Variants in CAND2 observed in about 807,000 individuals in gnomAD.
CAND2 encodes cullin associated and neddylation dissociated 2 (putative), also known as cullin-associated NEDD8-dissociated protein 2.
Under a neutral mutation model 98.9 loss-of-function variants are expected in CAND2, and 62 were observed. The ratio of observed to expected loss-of-function variants is 0.63; its 90% CI spans 0.51 to 0.77. The LOEUF (loss-of-function observed/expected upper bound fraction) is 0.77, where lower values mean the gene tolerates loss of function less well. CAND2 is among the 30% of genes least tolerant of loss of function. The pLI is 0.00. For synonymous variants in CAND2, 770 were observed against 731.9 expected, an observed-to-expected ratio of 1.05 and a Z score of -0.84; for missense variants, 1,501 against 1,655.2, an observed-to-expected ratio of 0.91 and a Z score of 1.62.
At position 12,807,424 on chromosome 3, in the gene CAND2, A is replaced by G; in HGVS notation, c.331A>G (p.Lys111Glu). ...QLRDIAGIGL[K>E]TVLSELPPAA... ...GCGAGACATTGCCGGCATTGGCCTCAAGACCGTCCTCTCGGAGCTCCCTCC... is the reference window on the plus strand; with the variant it reads ...GCGAGACATTGCCGGCATTGGCCTCGAGACCGTCCTCTCGGAGCTCCCTCC... The change falls in exon 3 of 15, where the codon AAG (lysine) becomes GAG (glutamate). Residue 111 changes from lysine (K) to glutamate (E), a missense_variant. Around this residue, in one of 3 missense-constraint regions of CAND2, gnomAD observed 1,427 missense variants for 1,545.3 expected, o/e 0.92. Transcript: ENST00000456430. 6.4e-7 allele frequency: 1 copy of G among 1,551,680 alleles called. No individual in the cohort carries two copies. The highest frequency in any genetic ancestry group is 8.7e-7 in the Non-Finnish European group (1 of 1,146,972).
Position 12,820,132 on chromosome 3 carries a change from T to C in CAND2, c.2991T>C (p.Leu997=), listed in dbSNP as rs1419875322. The change falls in exon 11 of 15, where the codon CTT becomes CTC. Residue 997 remains leucine (L), a synonymous_variant. Coordinates refer to ENST00000456430, the MANE Select transcript of CAND2 (RefSeq NM_001162499.2). ...CCGTCATCACAGCGGTCAAGTTCCT[T>C]ATCTCGGACCAGCCCCATCCCATTG... ...RSTVITAVKF[L]ISDQPHPIDP... is the part of the protein sequence containing the mutation. The C allele has an allele frequency of 1.2e-6, 2 of 1,614,060 alleles. No individual in the cohort carries two copies. Among genetic ancestry groups the C allele is most frequent in the Non-Finnish European group, 1.7e-6 (2 of 1,180,046 alleles).
chr3:12,827,487 G>T lies in CAND2; in HGVS notation c.3258G>T (p.Val1086=). 1.9e-6 allele frequency: 3 copies of T among 1,614,098 alleles called. No individual in the cohort carries two copies. The part of the protein sequence containing the change: ...FKHTVDDGLD[V]RKAAFECMYS... Reference sequence around the variant, plus strand: ...ATACAGTGGACGATGGGCTGGACGTGCGGAAGGCGGCCTTTGAATGCATGT... The same window carrying T: ...ATACAGTGGACGATGGGCTGGACGTTCGGAAGGCGGCCTTTGAATGCATGT... The change falls in exon 13 of 15, where the codon GTG becomes GTT. Residue 1086 remains valine, a synonymous_variant. Transcript: ENST00000456430.
rs780764516 is a variant in CAND2, at chr3:12,833,945, C to G, written c.3674C>G (p.Ala1225Gly). ...TTTGAAAGCATCCAGAAGGATTCCG[C>G]TTCAGCCCCCAGCACAGACTCAATG... is the stretch of plus-strand genomic sequence containing the variant. ...ALFESIQKDS[A>G]SAPSTDSMEL... The change falls in exon 15 of 15, where the codon GCT (alanine) becomes GGT (glycine). Residue 1225 changes from alanine to glycine, a missense_variant. By Grantham distance (60) the Ala-to-Gly change is moderately conservative. Coordinates refer to ENST00000456430, the MANE Select transcript of CAND2 (RefSeq NM_001162499.2). The G allele has an allele frequency of 1.2e-6, 2 of 1,614,238 alleles. No individual in the cohort carries two copies. Among genetic ancestry groups the G allele is most frequent in the Middle Eastern group, 1.6e-4 (1 of 6,062 alleles).
chr3:12,811,761 G>A (rs1476580037), intron 5 of CAND2, among the ~76,000 whole-genome samples: 2 of 152,076 alleles, frequency 1.3e-5, no homozygotes, highest in East Asian at 1.9e-4. Context: ...TAGTAGAGAC[G>A]GGGTTTAACT....
intron 11 of CAND2, among the ~76,000 whole-genome samples, chr3:12,823,753 G>A (rs537327077): frequency 1.3e-5 from 2 of 151,110 alleles, no homozygotes; most frequent in South Asian, 4.2e-4. Flanking sequence ...ACAAAAAAAC[G>A]GGGTGTGGTG....
At chr3:12,809,909 T>A in intron 4 of CAND2, 150 bp from the exon 5 acceptor site, 1 of 803,010 alleles carries the variant, frequency 1.2e-6, no homozygotes, top group Non-Finnish European at 1.8e-6. Context: ...AAATAATTCC[T>A]CCTCACAGTT....
chr3:12,811,623 G>A (rs28505003), intron 5 of CAND2, among the ~76,000 whole-genome samples: 66,346 of 152,080 alleles, frequency 0.44, 15,343 homozygotes, highest in Non-Finnish European at 0.53. Context: ...CCAGGCTGGA[G>A]TGCAATGGTG....
At chr3:12,826,483 A>C (rs1335575046) in intron 12 of CAND2, among the ~76,000 whole-genome samples, 1 of 152,138 alleles carries the variant, frequency 6.6e-6, no homozygotes, top group Non-Finnish European at 1.5e-5. Flanking sequence ...GCTGGAGTGC[A>C]GTGGCACAAT....
intron 3 of CAND2, 139 bp downstream of exon 3, chr3:12,807,599 G>GTCACTCA: frequency 2.4e-6 from 2 of 828,512 alleles, no homozygotes; most frequent in Non-Finnish European, 3.7e-6. Flanking sequence ...TAGTAAGCAG[G>GTCACTCA]GCAGAGAATT....
chr3:12,810,192 G>T lies in CAND2; in HGVS notation c.625G>T (p.Asp209Tyr). The T allele has an allele frequency of 1.9e-6, 3 of 1,540,464 alleles. No individual in the cohort carries two copies. The highest frequency in any genetic ancestry group is 1.4e-5 in the African/African-American group (1 of 71,476). Residue 209 changes from aspartate (D) to tyrosine (Y), a missense_variant, in exon 5 of 15, where the codon GAC (aspartate) becomes TAC (tyrosine). Physicochemically the swap from Asp to Tyr is radical, Grantham distance 160. Transcript: ENST00000456430. ...CCACCTGGCGGCCGCCTGCAGCACC[G>T]ACCTCTTCGTCGAGCTCGCTGACCA... ...LGHLAAACST[D>Y]LFVELADHLL...
In CAND2 at chr3:12,796,704, C is replaced by T. The variant is rs567511331; in HGVS notation, c.-17C>T. Reference sequence around the variant, plus strand: ...CATATTCCCTCCCGCCGGCCGGCTCCGCGGCGCGCAGCCACCATGAGCACC... The same window carrying T: ...CATATTCCCTCCCGCCGGCCGGCTCTGCGGCGCGCAGCCACCATGAGCACC... On this transcript the variant is annotated 5_prime_UTR_variant, in exon 1 of 15. Coordinates refer to ENST00000456430, the MANE Select transcript of CAND2 (RefSeq NM_001162499.2). The T allele has an allele frequency of 4.5e-6, 7 of 1,566,914 alleles. 1 individual carries two copies. In the East Asian group the frequency reaches 1.7e-4, roughly 37 times the overall value.
intron 4 of CAND2, among the ~76,000 whole-genome samples, 176 bp downstream of exon 4, chr3:12,808,509 T>G (rs1377246357): frequency 1.3e-5 from 2 of 152,184 alleles, no homozygotes; most frequent in African/African-American, 2.4e-5. Flanking sequence ...CTCTGAGAGA[T>G]GATGCGGTCA....
intron 7 of CAND2, among the ~76,000 whole-genome samples, chr3:12,814,459 T>C (rs1193112379): frequency 2.0e-5 from 3 of 152,188 alleles, no homozygotes; most frequent in Non-Finnish European, 2.9e-5. Flanking sequence ...ACCTTCACTT[T>C]TGAGGTGATG....
At chr3:12,811,020 T>A (rs1031757409) in intron 5 of CAND2, among the ~76,000 whole-genome samples, 12 of 152,040 alleles carry the variant, frequency 7.9e-5, no homozygotes, top group African/African-American at 2.9e-4. Flanking sequence ...CACCTTGGAG[T>A]TCTGACTATA....
chr3:12,825,016 C>T (rs185778300), intron 11 of CAND2, among the ~76,000 whole-genome samples: 1 of 152,302 alleles, frequency 6.6e-6, no homozygotes, highest in East Asian at 1.9e-4. Context: ...CTTTAAGAGC[C>T]TCACCTGTAA....
intron 1 of CAND2, among the ~76,000 whole-genome samples, chr3:12,797,759 G>C (rs893526169): frequency 6.4e-5 from 7 of 109,030 alleles, no homozygotes; most frequent in African/African-American, 3.7e-4. Context: ...GACATGAAGG[G>C]CGTAGGTTCA....
chr3:12,812,913 A>G, intron 5 of CAND2, 77 bp from the exon 6 acceptor site: 1 of 861,782 alleles, frequency 1.2e-6, no homozygotes, highest in Middle Eastern at 3.4e-4. Context: ...AGGTGCATAG[A>G]CAGTCTGAGT....
intron 11 of CAND2, among the ~76,000 whole-genome samples, chr3:12,821,186 A>G (rs1171531752): frequency 2.0e-5 from 3 of 151,650 alleles, no homozygotes; most frequent in Admixed American, 6.6e-5. Flanking sequence ...GTGAGCGGAG[A>G]TTGCACCACT....
rs751483195 is a variant in CAND2, at chr3:12,831,475, T to C, written c.3386T>C (p.Phe1129Ser). 113 of 1,613,788 alleles carry C rather than the reference T, an allele frequency of 7.0e-5. No individual in the cohort carries two copies. The highest frequency in any genetic ancestry group is 9.4e-5 in the Non-Finnish European group (111 of 1,179,882). The change falls in exon 14 of 15, where the codon TTC becomes TCC. Residue 1129 changes from phenylalanine to serine, a missense_variant. Phe to Ser is a radical substitution (Grantham distance 155). This residue lies in a region of CAND2 where 1,427 missense variants were observed against 1,545.3 expected (regional missense o/e 0.92). Coordinates refer to ENST00000456430, the MANE Select transcript of CAND2 (RefSeq NM_001162499.2). Reference protein sequence around the residue: ...KDHYDIRMLTFIMVARLATLC... With the variant: ...KDHYDIRMLTSIMVARLATLC... ...CCTTCCTCTGGGCAGATGCTGACCT[T>C]CATCATGGTTGCCCGGCTGGCCACC...
Sources: allele counts gnomAD v4.1 joint callset (sites outside exome capture counted in the v4.1 genomes callset), GRCh38; gene constraint gnomAD v4.1.1; regional missense constraint gnomAD v4.1.1; transcripts MANE v1.5; gene names NCBI Gene and HGNC (gene_info 2026-07-23, HGNC 2026-07-21).